SH3BGRL: variants seen among roughly 807,000 people sequenced by gnomAD.
SH3BGRL encodes adapter SH3BGRL.
A neutral mutation model predicts 9.8 loss-of-function variants in SH3BGRL; 7 were observed. The observed-to-expected ratio is 0.72, with a 90% CI of 0.41 to 1.35. The LOEUF is 1.35. SH3BGRL is among the 40% of genes most tolerant of loss of function. The pLI is 0.01. For missense variants in SH3BGRL, 73 were observed against 84.4 expected, an observed-to-expected ratio of 0.86 and a Z score of 0.53; for synonymous variants, 36 against 29.1, an observed-to-expected ratio of 1.24 and a Z score of -0.76.
intron 1 of SH3BGRL, among the ~76,000 whole-genome samples, chrX:81,275,246 C>CA (rs1051017489): frequency 4.8e-4 from 51 of 105,820 alleles, no homozygotes; most frequent in South Asian, 2.9e-3. Context: ...TTCACTCATT[C>CA]AAAAAAAAAA....
chrX:81,278,910 A>G lies in SH3BGRL; in HGVS notation c.312+499A>G, dbSNP rs972507164. 4.5e-5 allele frequency among the ~76,000 whole-genome samples: 5 copies of G among 112,281 alleles called. 1 individual carries two copies. The highest frequency in any genetic ancestry group is 3.8e-4 in the Admixed American group (4 of 10,617). On this transcript the variant is annotated intron_variant, in intron 3 of 3. Coordinates refer to ENST00000373212, the MANE Select transcript of SH3BGRL (RefSeq NM_003022.3). Reference sequence around the variant, plus strand: ...GCTTTTTTCCTGCCAACACAAATTAATTTTTTAAGTAGCAGCATTTTCAGG... The same window carrying G: ...GCTTTTTTCCTGCCAACACAAATTAGTTTTTTAAGTAGCAGCATTTTCAGG...
intron 1 of SH3BGRL, among the ~76,000 whole-genome samples, chrX:81,249,884 A>G (rs1291709207): frequency 9.0e-6 from 1 of 111,412 alleles, no homozygotes; most frequent in Non-Finnish European, 1.9e-5. Context: ...TGGGGGGAGT[A>G]ATTAAACTGT....
intron 1 of SH3BGRL, among the ~76,000 whole-genome samples, chrX:81,212,226 C>T (rs1227444845): frequency 9.3e-6 from 1 of 107,797 alleles, no homozygotes; most frequent in East Asian, 2.9e-4. Context: ...GAGACCCTGT[C>T]TCTACAAAAA....
At chrX:81,268,765 A>T (rs1036665854) in intron 1 of SH3BGRL, among the ~76,000 whole-genome samples, 7 of 111,461 alleles carry the variant, frequency 6.3e-5, no homozygotes, top group African/African-American at 9.8e-5. Flanking sequence ...CAAGTCCTGG[A>T]TATCCTTGTT....
chrX:81,272,069 T>C (rs775675412), intron 1 of SH3BGRL, among the ~76,000 whole-genome samples: 192 of 107,969 alleles, frequency 1.8e-3, no homozygotes, highest in African/African-American at 6.3e-3. Flanking sequence ...TGGTGGCGGA[T>C]GCCTGTAGTC....
intron 1 of SH3BGRL, among the ~76,000 whole-genome samples, chrX:81,271,397 C>A (rs185364052): frequency 2.7e-5 from 3 of 112,163 alleles, no homozygotes; most frequent in Non-Finnish European, 3.8e-5. Context: ...TCTTCTTTTT[C>A]TTTTAGCAGG....
intron 1 of SH3BGRL, among the ~76,000 whole-genome samples, chrX:81,262,010 A>G (rs1275918282): frequency 2.7e-5 from 3 of 111,590 alleles, no homozygotes; most frequent in African/African-American, 9.8e-5. Context: ...TTTCCAAATA[A>G]GAGTCAAACC....
chrX:81,282,386 A>C (rs776187018), intron 3 of SH3BGRL, among the ~76,000 whole-genome samples: 2 of 111,994 alleles, frequency 1.8e-5, no homozygotes, highest in Non-Finnish European at 3.8e-5. Flanking sequence ...ATTCTATTCA[A>C]CAGCACATGG....
At chrX:81,289,723 T>C (rs2075850771) in intron 3 of SH3BGRL, among the ~76,000 whole-genome samples, 1 of 110,912 alleles carries the variant, frequency 9.0e-6, no homozygotes, top group African/African-American at 3.3e-5. Context: ...CCGGGAGTAG[T>C]GGCACAAATC....
At chrX:81,236,380 T>C (rs2075647928) in intron 1 of SH3BGRL, among the ~76,000 whole-genome samples, 1 of 111,805 alleles carries the variant, frequency 8.9e-6, no homozygotes, top group Non-Finnish European at 1.9e-5. Flanking sequence ...CAAAGGACAT[T>C]CCTGTGAGAG....
intron 1 of SH3BGRL, among the ~76,000 whole-genome samples, chrX:81,212,923 C>G (rs943794446): frequency 3.6e-5 from 4 of 112,534 alleles, no homozygotes; most frequent in African/African-American, 1.3e-4. Context: ...TGTCTAATTA[C>G]TTTTTGAAAA....
rs182507308 is a variant in SH3BGRL, at chrX:81,249,099, C to G, written c.46-27885C>G. Reference sequence around the variant, plus strand: ...AGTGCCTGAGGCATGCTCAAATACGCTGTCTTGGGAAAACAAAACAAAACA... The same window carrying G: ...AGTGCCTGAGGCATGCTCAAATACGGTGTCTTGGGAAAACAAAACAAAACA... On this transcript the variant is annotated intron_variant, in intron 1 of 3. Coordinates refer to ENST00000373212, the MANE Select transcript of SH3BGRL (RefSeq NM_003022.3). 1.5e-3 allele frequency among the ~76,000 whole-genome samples: 170 copies of G among 111,273 alleles called. 2 individuals are homozygous for G. The highest frequency in any genetic ancestry group is 5.5e-3 in the African/African-American group (168 of 30,400).
intron 3 of SH3BGRL, among the ~76,000 whole-genome samples, chrX:81,286,028 G>A: frequency 8.9e-6 from 1 of 111,815 alleles, no homozygotes; most frequent in East Asian, 2.8e-4. Flanking sequence ...ATAAGGCAAA[G>A]AATCCTTCTG....
chrX:81,211,377 A>C (rs1172065517), intron 1 of SH3BGRL, among the ~76,000 whole-genome samples: 2 of 111,547 alleles, frequency 1.8e-5, no homozygotes, highest in Admixed American at 1.9e-4. Flanking sequence ...CGAGGTCAGG[A>C]GATCAAGACC....
chrX:81,205,593 A>G (rs765065427), intron 1 of SH3BGRL, among the ~76,000 whole-genome samples: 1 of 106,752 alleles, frequency 9.4e-6, no homozygotes, highest in Admixed American at 1.0e-4. Context: ...GTTATTTTGA[A>G]TAGTTCTTTA....
chrX:81,249,335 T>G (rs1719118295), intron 1 of SH3BGRL, among the ~76,000 whole-genome samples: 1 of 112,096 alleles, frequency 8.9e-6, no homozygotes, highest in South Asian at 3.7e-4. Flanking sequence ...TCCTCTGCAT[T>G]TTTACAACTT....
chrX:81,238,040 C>A (rs187413406), intron 1 of SH3BGRL, among the ~76,000 whole-genome samples: 1 of 108,843 alleles, frequency 9.2e-6, no homozygotes, highest in African/African-American at 3.4e-5. Context: ...TTGGCAGCAT[C>A]CATCATTTGC....
intron 3 of SH3BGRL, among the ~76,000 whole-genome samples, chrX:81,289,715 G>A (rs781421102): frequency 1.8e-5 from 2 of 110,687 alleles, no homozygotes; most frequent in South Asian, 3.9e-4. Flanking sequence ...AAAATTAGCC[G>A]GGAGTAGTGG....
At chrX:81,247,297 T>C (rs775181848) in intron 1 of SH3BGRL, among the ~76,000 whole-genome samples, 6 of 112,285 alleles carry the variant, frequency 5.3e-5, no homozygotes, top group Non-Finnish European at 1.1e-4. Flanking sequence ...GATGCTTTTA[T>C]ACTTTCTCTT....
Sources: gnomAD v4.1 joint callset for allele counts (sites outside exome capture counted in the v4.1 genomes callset) on GRCh38, gnomAD v4.1.1 for gene constraint, MANE v1.5 for transcripts, NCBI Gene and HGNC (gene_info 2026-07-23, HGNC 2026-07-21) for gene names.